The following CUX2 variants were observed in gnomAD, a reference collection of about 807,000 sequenced individuals.
CUX2 encodes cut like homeobox 2, also known as homeobox protein cut-like 2.
A neutral mutation model predicts 144.8 loss-of-function variants in CUX2; 40 were observed. The observed-to-expected ratio is 0.28, with a 90% confidence interval of 0.21 to 0.36. The LOEUF (loss-of-function observed/expected upper bound fraction) is 0.36. Ranked by LOEUF, CUX2 falls within the 10% of genes least tolerant of loss-of-function variation. The pLI is 1.00. For synonymous variants in CUX2, 827 were observed against 875.6 expected, an observed-to-expected ratio of 0.94 and a Z score of 0.98; for missense variants, 1,615 against 1,994.0, an observed-to-expected ratio of 0.81 and a Z score of 3.62.
At chr12:111,070,029 G>A (rs544953188) in intron 1 of CUX2, among the ~76,000 whole-genome samples, 9 of 152,116 alleles carry the variant, frequency 5.9e-5, no homozygotes, top group South Asian at 2.1e-4. Flanking sequence ...GGGGGATGCC[G>A]GCCTGGGAGC....
rs766916257 is a variant in CUX2, at chr12:111,214,188, T to A, written c.64-12T>A. Reference sequence around the variant, plus strand: ...CTCTCTCTCTCTTTTTTTTTTTTTTTTATTGTTCCAGAAGGAGCTTAATTC... The same window carrying A: ...CTCTCTCTCTCTTTTTTTTTTTTTTATATTGTTCCAGAAGGAGCTTAATTC... On this transcript the variant is annotated splice_polypyrimidine_tract_variant and intron_variant, in intron 1 of 21. Coordinates refer to ENST00000261726, the MANE Select transcript of CUX2 (RefSeq NM_015267.4). The A allele has an allele frequency of 5.6e-6, 8 of 1,435,974 alleles. No individual in the cohort carries two copies. The highest frequency in any genetic ancestry group is 1.4e-5 in the South Asian group (1 of 73,440). The allele number at this position is 1,435,974 out of a possible 1,614,324, so 89.0% of individuals were successfully genotyped here.
At chr12:111,177,305 C>T (rs1878915662) in intron 1 of CUX2, among the ~76,000 whole-genome samples, 1 of 152,068 alleles carries the variant, frequency 6.6e-6, no homozygotes, top group Non-Finnish European at 1.5e-5. Flanking sequence ...CCCCACTTTT[C>T]CCCCCTGCAG....
At chr12:111,096,223 G>A (rs1419375355) in intron 1 of CUX2, among the ~76,000 whole-genome samples, 1 of 152,192 alleles carries the variant, frequency 6.6e-6, no homozygotes, top group African/African-American at 2.4e-5. Context: ...AGCCTAGAGA[G>A]TACAAAATGG....
At chr12:111,217,960 T>C (rs147588505) in intron 3 of CUX2, 23 bp downstream of exon 3, 1 of 1,613,688 alleles carries the variant, frequency 6.2e-7, no homozygotes, top group African/African-American at 1.3e-5. Flanking sequence ...GCCCACAGCA[T>C]GTCAGAAAAG....
chr12:111,105,241 A>C (rs1873523616), intron 1 of CUX2, among the ~76,000 whole-genome samples: 1 of 152,166 alleles, frequency 6.6e-6, no homozygotes, highest in Non-Finnish European at 1.5e-5. Flanking sequence ...CTCTTCAGAA[A>C]TATTTGGGGG....
rs1404205826 is a variant in CUX2 at position 111,186,746 on chromosome 12, CAT to C, written c.64-27453_64-27452del. 2.6e-5 allele frequency among the ~76,000 whole-genome samples: 4 copies of C among 151,690 alleles called. No homozygotes were observed. The highest frequency in any genetic ancestry group is 9.7e-5 in the African/African-American group (4 of 41,258). On this transcript the variant is annotated intron_variant, in intron 1 of 21. Transcript: ENST00000261726. The surrounding 1 kb of genome is among the most constrained non-coding windows in gnomAD (Gnocchi z 4.4). Reference sequence around the variant, plus strand: ...TGCATACCTGAGAGGGTCGCTGAGACATGTGCAGGTATTAAAATCGATATGAT... The same window carrying C: ...TGCATACCTGAGAGGGTCGCTGAGACGTGCAGGTATTAAAATCGATATGAT...
intron 1 of CUX2, among the ~76,000 whole-genome samples, chr12:111,087,040 T>G (rs1267069665): frequency 6.6e-6 from 1 of 152,154 alleles, no homozygotes. Context: ...AGTAAGTTAT[T>G]CTACCGTAAC....
chr12:111,280,031 C>A (rs1372564108), intron 4 of CUX2, among the ~76,000 whole-genome samples: 2 of 152,046 alleles, frequency 1.3e-5, no homozygotes, highest in African/African-American at 2.4e-5. Flanking sequence ...TGCCTATAAT[C>A]CCAGCACTTT....
At chr12:111,303,508 CACTTGTAATCCCAGCT>C (rs1336664390) in intron 9 of CUX2, among the ~76,000 whole-genome samples, 2 of 151,764 alleles carry the variant, frequency 1.3e-5, no homozygotes, top group African/African-American at 4.8e-5. Flanking sequence ...TGGTGGTGTG[CACTTGTAATCCCAGCT>C]ACTTGGGAGG....
At chr12:111,338,537 T>G in intron 20 of CUX2, 63 bp downstream of exon 20, 7 of 1,495,544 alleles carry the variant, frequency 4.7e-6, no homozygotes, top group African/African-American at 1.4e-5. Context: ...GAACCATATC[T>G]AGCTGTAACC....
In CUX2 at chr12:111,191,800, C is replaced by T. The variant is rs570367198; in HGVS notation, c.64-22400C>T. Among the ~76,000 whole-genome samples, 7 of 152,328 alleles carry T rather than the reference C, an allele frequency of 4.6e-5. No individual in the cohort carries two copies. The South Asian group carries it at 1.0e-3, about 23-fold the overall frequency. On this transcript the variant is annotated intron_variant, in intron 1 of 21. Transcript: ENST00000261726. ...TCTGTTCTCCACCTGGGGACCCCCCCACTTTGTTCATGCCCAGAGGCCAGT... is the reference window on the plus strand; with the variant it reads ...TCTGTTCTCCACCTGGGGACCCCCCTACTTTGTTCATGCCCAGAGGCCAGT...
chr12:111,129,066 T>C (rs1875273425), intron 1 of CUX2, among the ~76,000 whole-genome samples: 1 of 152,242 alleles, frequency 6.6e-6, no homozygotes, highest in Non-Finnish European at 1.5e-5. Flanking sequence ...ACTAACTAGA[T>C]GCAACTTCTT....
At chr12:111,313,961 C>T (rs1045731048) in intron 16 of CUX2, among the ~76,000 whole-genome samples, 2 of 152,204 alleles carry the variant, frequency 1.3e-5, no homozygotes, top group Admixed American at 1.3e-4. Context: ...CTGGTGGCTG[C>T]TCCGAGCAGG....
chr12:111,258,454 A>G (rs1883943439), intron 3 of CUX2, among the ~76,000 whole-genome samples: 2 of 150,112 alleles, frequency 1.3e-5, no homozygotes, highest in Non-Finnish European at 3.0e-5. Context: ...TGGAGGTTGC[A>G]GTGAGCTGAG....
chr12:111,193,945 A>ACTCTC (rs10623683), intron 1 of CUX2, among the ~76,000 whole-genome samples: 53,421 of 151,958 alleles, frequency 0.35, 13,032 homozygotes, highest in African/African-American at 0.68. Flanking sequence ...TCTGGATGCC[A>ACTCTC]AGGTTGGGCT....
intron 1 of CUX2, among the ~76,000 whole-genome samples, chr12:111,172,081 G>C (rs374408509): frequency 1.1e-4 from 16 of 151,980 alleles, no homozygotes; most frequent in East Asian, 7.8e-4. Flanking sequence ...GCATGCACCT[G>C]TGCGTATGCA....
intron 1 of CUX2, chr12:111,099,979 C>T (rs1172390599): frequency 2.2e-6 from 1 of 457,276 alleles, no homozygotes; most frequent in African/African-American, 2.0e-5. Flanking sequence ...ACGGCTTTAT[C>T]GCAGCCTTTC....
At position 111,037,644 on chromosome 12, in the gene CUX2, C is replaced by G. The variant is rs915512753; in HGVS notation, c.63+3404C>G. Among the ~76,000 whole-genome samples the G allele has an allele frequency of 6.6e-6, 1 of 152,216 alleles. No homozygotes were observed. Among genetic ancestry groups the G allele is most frequent in the African/African-American group, 2.4e-5 (1 of 41,460 alleles). On this transcript the variant is annotated intron_variant, in intron 1 of 21. Transcript: ENST00000261726. This position sits in a 1 kb window ranked among gnomAD's most constrained non-coding sequence, Gnocchi z 5.4. ...AATAAAATTCCATCCAAAGATAATG[C>G]TAGGCATATTTCATTTGGTTATAAG...
In CUX2 at chr12:111,263,325, G is replaced by A. The variant is rs554269150; in HGVS notation, c.223-436G>A. ...AAACAAACAAGAAAAAAAATACATG[G>A]CCAGCCATGGTGGCTCATGCCTGTA... is the stretch of plus-strand genomic sequence containing the variant. On this transcript the variant is annotated intron_variant, in intron 3 of 21. Transcript: ENST00000261726. This position sits in a 1 kb window ranked among gnomAD's most constrained non-coding sequence, Gnocchi z 4.0. 3.7e-4 allele frequency among the ~76,000 whole-genome samples: 56 copies of A among 152,268 alleles called. No individual in the cohort carries two copies. The highest frequency in any genetic ancestry group is 1.3e-3 in the African/African-American group (54 of 41,560).
Sources: gnomAD v4.1 joint callset for allele counts (sites outside exome capture counted in the v4.1 genomes callset) on GRCh38, gnomAD v4.1.1 for gene constraint, Gnocchi (gnomAD v3.1) non-coding constraint, MANE v1.5 for transcripts, NCBI Gene and HGNC (gene_info 2026-07-23, HGNC 2026-07-21) for gene names.